CNOT9: variants seen among roughly 807,000 people sequenced by gnomAD.
The protein encoded by CNOT9 is CCR4-NOT transcription complex subunit 9.
A neutral mutation model predicts 37.4 loss-of-function variants in CNOT9; 8 were observed. That is an observed-to-expected ratio of 0.21 (90% CI 0.13 to 0.39). The LOEUF is 0.39. Ranked by LOEUF, CNOT9 falls within the 10% of genes least tolerant of loss-of-function variation. CNOT9 has a pLI of 1.00. For missense variants in CNOT9, 154 were observed against 365.3 expected (o/e 0.42, Z 4.71); for synonymous variants, 120 against 137.6 (o/e 0.87, Z 0.90).
intron 1 of CNOT9, among the ~76,000 whole-genome samples, chr2:218,569,561 C>A (rs1177259448): frequency 5.3e-5 from 8 of 152,192 alleles, no homozygotes; most frequent in Admixed American, 5.2e-4. Context: ...CCGAAGTAAT[C>A]CTACTTCTCT....
At chr2:218,593,433 A>T in intron 7 of CNOT9, 2 of 698,880 alleles carry the variant, frequency 2.9e-6, no homozygotes, top group South Asian at 3.5e-5. Context: ...GTGTTTATTT[A>T]AAATTCTACT....
rs752487761 is a variant in CNOT9, at chr2:218,577,083, C to A, written c.25-3478C>A. 3.9e-4 allele frequency among the ~76,000 whole-genome samples: 59 copies of A among 152,106 alleles called. 1 individual carries two copies. Among genetic ancestry groups the A allele is most frequent in the Non-Finnish European group, 3.2e-4 (22 of 68,016 alleles). On this transcript the variant is annotated intron_variant, in intron 1 of 7. Transcript: ENST00000273064. ...GTTGCTAGAACACCTGGGTACAAAT[C>A]CTAGCTTGCCATTTAAATTTTACAT...
intron 1 of CNOT9, among the ~76,000 whole-genome samples, chr2:218,574,961 T>TA (rs898972941): frequency 5.3e-5 from 8 of 151,878 alleles, no homozygotes; most frequent in African/African-American, 1.5e-4. Context: ...GTTTTTTTTT[T>TA]AAAAAAAGAG....
intron 1 of CNOT9, chr2:218,573,940 A>G (rs80192303): frequency 0.013 from 4,568 of 347,504 alleles, 202 homozygotes; most frequent in African/African-American, 0.094. Flanking sequence ...ACACTTATTA[A>G]AAGAACAGGA....
In CNOT9 at chr2:218,592,750, G is replaced by A. The variant is rs372421041; in HGVS notation, c.731+43G>A. On this transcript the variant is annotated intron_variant, in intron 7 of 7. Transcript: ENST00000273064. This position sits in a 1 kb window ranked among gnomAD's most constrained non-coding sequence, Gnocchi z 4.1. ...GTATAGGACTTTAGGGAAATACTCT[G>A]CTGAACAGTTTCCTAATCTCATGGC... 1.3e-6 allele frequency: 2 copies of A among 1,492,952 alleles called. No homozygotes were observed. The highest frequency in any genetic ancestry group is 1.9e-6 in the Non-Finnish European group (2 of 1,069,778). The allele number at this position is 1,492,952 out of a possible 1,614,324, so 92.5% of individuals were successfully genotyped here. A position where few individuals can be genotyped will look rare whatever the true frequency, so the allele number is the denominator to read the frequency against.
At chr2:218,593,657 A>C (rs780706155) in intron 7 of CNOT9, 46 of 1,323,446 alleles carry the variant, frequency 3.5e-5, no homozygotes, top group Non-Finnish European at 4.5e-5. Flanking sequence ...TAACCATAAA[A>C]CTGAAGCAAT....
chr2:218,577,268 TGGTGTAACTTA>T (rs1257359863), intron 1 of CNOT9, among the ~76,000 whole-genome samples: 1 of 152,176 alleles, frequency 6.6e-6, no homozygotes, highest in Non-Finnish European at 1.5e-5. Flanking sequence ...GGTATTCAGT[TGGTGTAACTTA>T]CTGCTGTTAT....
intron 1 of CNOT9, among the ~76,000 whole-genome samples, chr2:218,577,636 C>T (rs1694216894): frequency 6.6e-6 from 1 of 152,158 alleles, no homozygotes. Flanking sequence ...CAGGCCAGCT[C>T]CAGAAAGAGA....
chr2:218,596,195 T>C lies in CNOT9; in HGVS notation c.*1919T>C, dbSNP rs1694921623. 1 of 152,226 alleles carries C rather than the reference T, an allele frequency of 6.6e-6. No individual in the cohort carries two copies. The allele number at this position is 152,226 out of a possible 1,614,324, so 9.4% of individuals were successfully genotyped here. On this transcript the variant is annotated 3_prime_UTR_variant, in exon 8 of 8. Transcript: ENST00000273064. The stretch of plus-strand genomic sequence containing the variant: ...CCTGGGAAATTCTCTTCTCTCCATC[T>C]TTCGGTGCATTGGCCATGTTACTGT...
In CNOT9 at chr2:218,582,997, C is replaced by G; in HGVS notation, c.231C>G (p.Ile77Met). The G allele has an allele frequency of 1.9e-6, 3 of 1,611,846 alleles. No individual in the cohort carries two copies. The highest frequency in any genetic ancestry group is 2.5e-6 in the Non-Finnish European group (3 of 1,178,614). ...LQEIVNIYPS[I>M]NPPTLTAHQS... ...AAATTGTAAATATTTATCCATCTAT[C>G]AACCCACCCACCTTGACAGCACACC... is the stretch of plus-strand genomic sequence containing the variant. Residue 77 changes from isoleucine to methionine, a missense_variant, in exon 3 of 8, where the codon ATC (isoleucine) becomes ATG (methionine). Physicochemically the swap from Ile to Met is conservative, Grantham distance 10. Coordinates refer to ENST00000273064, the MANE Select transcript of CNOT9 (RefSeq NM_005444.3).
Position 218,594,648 on chromosome 2 carries a change from C to T in CNOT9, c.*372C>T. ...GTGGTGATAGCAGCAGCACTCTAGG[C>T]ATGGTGAACGCCTGGGACCAAGCCA... On this transcript the variant is annotated 3_prime_UTR_variant, in exon 8 of 8. Coordinates refer to ENST00000273064, the MANE Select transcript of CNOT9 (RefSeq NM_005444.3). The T allele has an allele frequency of 4.9e-6, 1 of 206,124 alleles. No homozygotes were observed. The highest frequency in any genetic ancestry group is 5.6e-5 in the Admixed American group (1 of 17,784). 12.8% of individuals were successfully genotyped at this position (206,124 alleles called of 1,614,324 possible).
chr2:218,580,772 T>C (rs1208562207), intron 2 of CNOT9, 32 bp downstream of exon 2: 4 of 1,576,790 alleles, frequency 2.5e-6, no homozygotes, highest in Non-Finnish European at 3.5e-6. Flanking sequence ...GCAGTTCAGT[T>C]CTTTTCATTA....
rs1694794164 is a variant in CNOT9, at chr2:218,592,045, T to G, written c.541-259T>G. On this transcript the variant is annotated intron_variant, in intron 5 of 7. Transcript: ENST00000273064. The surrounding 1 kb of genome is among the most constrained non-coding windows in gnomAD (Gnocchi z 4.1). ...GTATGTAAAGTGAGAATAATAATGG[T>G]ACCTACCTCATTGATTTATTATAAA... Among the ~76,000 whole-genome samples the G allele has an allele frequency of 6.6e-6, 1 of 152,188 alleles. No individual in the cohort carries two copies. Among genetic ancestry groups the G allele is most frequent in the Non-Finnish European group, 1.5e-5 (1 of 68,030 alleles).
chr2:218,583,106 C>T lies in CNOT9; in HGVS notation c.320+20C>T, dbSNP rs1694450676. On this transcript the variant is annotated intron_variant, in intron 3 of 7. Transcript: ENST00000273064. The stretch of plus-strand genomic sequence containing the variant: ...AACCAGGTAAATGCTTTGGGTGAGT[C>T]ACTTGGGGGAGATATACATTGAATA... 3.4e-6 allele frequency: 5 copies of T among 1,479,094 alleles called. No individual in the cohort carries two copies. Among genetic ancestry groups the T allele is most frequent in the Non-Finnish European group, 4.7e-6 (5 of 1,058,336 alleles). 91.6% of individuals were successfully genotyped at this position (1,479,094 alleles called of 1,614,324 possible). A position where few individuals can be genotyped will look rare whatever the true frequency, so the allele number is the denominator to read the frequency against.
chr2:218,592,841 A>G lies in CNOT9; in HGVS notation c.731+134A>G. On this transcript the variant is annotated intron_variant, in intron 7 of 7. Coordinates refer to ENST00000273064, the MANE Select transcript of CNOT9 (RefSeq NM_005444.3). This position sits in a 1 kb window ranked among gnomAD's most constrained non-coding sequence, Gnocchi z 4.1. ...CTGCATTTAGTTTGTCTGAGACAGA[A>G]CTTAGATTCTTTTAAAAATCTGAAA... is the stretch of plus-strand genomic sequence containing the variant. 1.5e-6 allele frequency: 1 copy of G among 684,848 alleles called. No individual in the cohort carries two copies. Among genetic ancestry groups the G allele is most frequent in the South Asian group, 1.8e-5 (1 of 55,266 alleles). The allele number at this position is 684,848 out of a possible 1,614,324, so 42.4% of individuals were successfully genotyped here. A position where few individuals can be genotyped will look rare whatever the true frequency, so the allele number is the denominator to read the frequency against.
chr2:218,575,605 A>G (rs1030991162), intron 1 of CNOT9, among the ~76,000 whole-genome samples: 3 of 151,964 alleles, frequency 2.0e-5, no homozygotes, highest in East Asian at 1.9e-4. Context: ...GGATTTCACC[A>G]TGTTAGCCAG....
chr2:218,593,734 T>G lies in CNOT9; in HGVS notation c.732-374T>G, dbSNP rs139294874. The G allele has an allele frequency of 1.3e-3, 1,641 of 1,218,146 alleles. 18 individuals are homozygous for G. The African/African-American group carries it at 0.023, about 17-fold the overall frequency. The allele number at this position is 1,218,146 out of a possible 1,614,324, so 75.5% of individuals were successfully genotyped here. On this transcript the variant is annotated intron_variant, in intron 7 of 7. Coordinates refer to ENST00000273064, the MANE Select transcript of CNOT9 (RefSeq NM_005444.3). ...ATTCATTAAGTTATCATAAGTTTGA[T>G]GATATCCTTGTTAATGTACTGATTT... is the stretch of plus-strand genomic sequence containing the variant.
chr2:218,571,878 C>G (rs1343796511), intron 1 of CNOT9, among the ~76,000 whole-genome samples: 3 of 151,590 alleles, frequency 2.0e-5, no homozygotes, highest in Non-Finnish European at 4.4e-5. Context: ...GCCACTGCGC[C>G]CGACCTTGCT....
chr2:218,586,045 G>A (rs1302368954), intron 4 of CNOT9, among the ~76,000 whole-genome samples: 1 of 152,142 alleles, frequency 6.6e-6, no homozygotes, highest in African/African-American at 2.4e-5. Context: ...CTACAAAACT[G>A]ATTTCTAATG....
Sources: allele counts gnomAD v4.1 joint callset (sites outside exome capture counted in the v4.1 genomes callset), GRCh38; gene constraint gnomAD v4.1.1; non-coding constraint Gnocchi (gnomAD v3.1); transcripts MANE v1.5; gene names NCBI Gene and HGNC (gene_info 2026-07-23, HGNC 2026-07-21).